The following CSMD1 variants were observed in gnomAD, a reference collection of about 807,000 sequenced individuals.
CSMD1 encodes the protein CUB and sushi domain-containing protein 1.
Under a neutral mutation model 417.5 loss-of-function variants are expected in CSMD1, and 213 were observed. That is an observed-to-expected ratio of 0.51 (90% CI 0.46 to 0.57). The LOEUF is 0.57. CSMD1 is among the 20% of genes least tolerant of loss of function. The pLI, the probability that CSMD1 is intolerant of heterozygous loss-of-function variation, is 0.00. For missense variants in CSMD1, 6,923 were observed against 4,529.7 expected (o/e 1.53, Z -15.17); for synonymous variants, 2,862 against 1,736.8 (o/e 1.65, Z -16.11).
At position 3,833,582 on chromosome 8, in the gene CSMD1, TA is replaced by T. The variant is rs575118945; in HGVS notation, c.819-79541del. On this transcript the variant is annotated intron_variant, in intron 5 of 69. Coordinates refer to ENST00000635120, the MANE Select transcript of CSMD1 (RefSeq NM_033225.6). Reference sequence around the variant, plus strand: ...TGGTAATCAACTTTTTTGTTTTTCATAATTTTGATGATACTTTGAACAATAA... The same window carrying T: ...TGGTAATCAACTTTTTTGTTTTTCATATTTTGATGATACTTTGAACAATAA... 6.8e-4 allele frequency among the ~76,000 whole-genome samples: 104 copies of T among 152,282 alleles called. 1 individual carries two copies. The highest frequency in any genetic ancestry group is 3.4e-3 in the Middle Eastern group (1 of 294).
At chr8:3,489,518 G>C (rs185156860) in intron 11 of CSMD1, among the ~76,000 whole-genome samples, 3 of 152,230 alleles carry the variant, frequency 2.0e-5, no homozygotes, top group South Asian at 4.1e-4. Flanking sequence ...TCAAATTCGA[G>C]AACAGTCTCA....
At chr8:4,441,309 C>G (rs1202818204) in intron 2 of CSMD1, among the ~76,000 whole-genome samples, 36 of 132,126 alleles carry the variant, frequency 2.7e-4, no homozygotes, top group Non-Finnish European at 3.7e-4. Flanking sequence ...AGGGAGGTCT[C>G]ACTCTGCCCC....
chr8:4,226,066 G>A (rs1053734349), intron 3 of CSMD1, among the ~76,000 whole-genome samples: 1 of 69,038 alleles, frequency 1.4e-5, no homozygotes, highest in African/African-American at 5.6e-5. Context: ...GCTGACAGGC[G>A]GACACACACA....
At chr8:3,467,224 G>C (rs1156290080) in intron 12 of CSMD1, among the ~76,000 whole-genome samples, 1 of 152,150 alleles carries the variant, frequency 6.6e-6, no homozygotes, top group East Asian at 1.9e-4. Flanking sequence ...ATGCAGTTTG[G>C]GCACGAGGTT....
chr8:3,998,580 G>C (rs879233869), intron 4 of CSMD1, among the ~76,000 whole-genome samples: 1 of 152,092 alleles, frequency 6.6e-6, no homozygotes, highest in African/African-American at 2.4e-5. Flanking sequence ...GGATTAATTT[G>C]GGTTTTGAAT....
intron 1 of CSMD1, among the ~76,000 whole-genome samples, chr8:4,679,009 C>A (rs962183548): frequency 3.3e-5 from 5 of 152,222 alleles, no homozygotes; most frequent in African/African-American, 1.2e-4. Flanking sequence ...CACAGAACAA[C>A]AGGGACCTGC....
intron 37 of CSMD1, 130 bp from the exon 38 acceptor site, chr8:3,162,407 T>C: frequency 7.7e-6 from 5 of 651,654 alleles, no homozygotes; most frequent in Admixed American, 2.4e-5. Flanking sequence ...CTTTCTCTTG[T>C]TATTCTACCA....
In CSMD1 at chr8:4,480,849, G is replaced by A. The variant is rs940956056; in HGVS notation, c.303-60784C>T. On this transcript the variant is annotated intron_variant, in intron 2 of 69. Transcript: ENST00000635120. ...CACATTCAGGTTTTGTCACACCATT[G>A]TCATTAATCCCTGGGTCCCTGGTTA... Among the ~76,000 whole-genome samples, 99 of 152,248 alleles carry A rather than the reference G, an allele frequency of 6.5e-4. 1 individual carries two copies. Among genetic ancestry groups the A allele is most frequent in the African/African-American group, 2.4e-3 (98 of 41,546 alleles).
At chr8:2,954,918 G>A (rs761193115) in intron 64 of CSMD1, among the ~76,000 whole-genome samples, 1 of 152,148 alleles carries the variant, frequency 6.6e-6, no homozygotes, top group Non-Finnish European at 1.5e-5. Flanking sequence ...TAAAGTCACT[G>A]ACTGTCTCAC....
At chr8:4,650,347 GAAAAAAAA>G (rs61642390) in intron 1 of CSMD1, among the ~76,000 whole-genome samples, 9 of 78,266 alleles carry the variant, frequency 1.1e-4, no homozygotes, top group African/African-American at 3.8e-4. Flanking sequence ...TCCGTCTCAA[GAAAAAAAA>G]AAAAAAAAAA....
intron 2 of CSMD1, among the ~76,000 whole-genome samples, chr8:4,520,172 GT>G (rs1384662315): frequency 6.6e-6 from 1 of 152,100 alleles, no homozygotes; most frequent in Non-Finnish European, 1.5e-5. Flanking sequence ...GCTTGGCTCT[GT>G]TTCCAAACTC....
chr8:4,269,875 T>C (rs561194383), intron 3 of CSMD1, among the ~76,000 whole-genome samples: 9 of 152,162 alleles, frequency 5.9e-5, no homozygotes, highest in South Asian at 4.1e-4. Context: ...TATTGCATCA[T>C]TACTGGAGTT....
At chr8:4,525,179 C>A (rs1400401538) in intron 2 of CSMD1, among the ~76,000 whole-genome samples, 1 of 152,198 alleles carries the variant, frequency 6.6e-6, no homozygotes, top group Admixed American at 6.5e-5. Context: ...CCCACCTTCC[C>A]TCTATGCCAC....
chr8:4,212,286 C>G (rs905933234), intron 3 of CSMD1, among the ~76,000 whole-genome samples: 2 of 151,730 alleles, frequency 1.3e-5, no homozygotes, highest in African/African-American at 4.8e-5. Flanking sequence ...ATTCTACAAA[C>G]TTAGTCAAAA....
intron 2 of CSMD1, among the ~76,000 whole-genome samples, chr8:4,545,112 G>GTAACTTGGAAAGAGCACAGGTTTT (rs1289745379): frequency 6.6e-6 from 1 of 152,202 alleles, no homozygotes; most frequent in East Asian, 1.9e-4. Context: ...AGGGGACATA[G>GTAACTTGGAAAGAGCACAGGTTTT]TAACTTGGAA....
At chr8:4,179,443 A>G (rs1798233168) in intron 3 of CSMD1, among the ~76,000 whole-genome samples, 1 of 152,116 alleles carries the variant, frequency 6.6e-6, no homozygotes, top group East Asian at 1.9e-4. Flanking sequence ...TGGATTAAAG[A>G]CTTAAACGTT....
intron 12 of CSMD1, among the ~76,000 whole-genome samples, chr8:3,418,399 G>A (rs1050796710): frequency 2.0e-5 from 3 of 152,152 alleles, no homozygotes; most frequent in Non-Finnish European, 4.4e-5. Context: ...AACTTTGTTG[G>A]TGATCCTGCC....
At chr8:3,953,722 G>A (rs13271061) in intron 5 of CSMD1, among the ~76,000 whole-genome samples, 1 of 152,144 alleles carries the variant, frequency 6.6e-6, no homozygotes, top group Non-Finnish European at 1.5e-5. Flanking sequence ...GGACTCAGGA[G>A]AAGCTTCCCC....
At chr8:4,766,287 G>C (rs866048941) in intron 1 of CSMD1, among the ~76,000 whole-genome samples, 14 of 152,172 alleles carry the variant, frequency 9.2e-5, no homozygotes, top group African/African-American at 2.9e-4. Context: ...TTACCTGCTA[G>C]TTACCTTTTT....
Sources: gnomAD v4.1 joint callset for allele counts (sites outside exome capture counted in the v4.1 genomes callset) on GRCh38, gnomAD v4.1.1 for gene constraint, MANE v1.5 for transcripts, NCBI Gene and HGNC (gene_info 2026-07-23, HGNC 2026-07-21) for gene names.